Variants in MYH15 observed in about 807,000 individuals in gnomAD.
MYH15 encodes the protein myosin heavy chain 15.
MYH15 carries 227 observed loss-of-function variants against 240.5 expected under a neutral mutation model. The observed-to-expected ratio is 0.94, with a 90% CI of 0.85 to 1.05. The LOEUF (loss-of-function observed/expected upper bound fraction) is 1.05. Among genes scored for constraint, MYH15 ranks in the 50% least tolerant of loss-of-function variants. MYH15 has a pLI of 0.00. For missense variants in MYH15, 2,217 were observed against 2,247.5 expected (o/e 0.99, Z 0.27); for synonymous variants, 785 against 796.7 (o/e 0.99, Z 0.25).
At chr3:108,393,153 C>A (rs1188356716) in intron 36 of MYH15, among the ~76,000 whole-genome samples, 3 of 152,190 alleles carry the variant, frequency 2.0e-5, no homozygotes, top group Non-Finnish European at 4.4e-5. Flanking sequence ...AATCAAATGT[C>A]CTGTCTCCTA....
At chr3:108,460,389 A>G in intron 16 of MYH15, 22 bp from the exon 17 acceptor site, 1 of 1,557,440 alleles carries the variant, frequency 6.4e-7, no homozygotes, top group Middle Eastern at 1.7e-4. Flanking sequence ...AAAAAAAGAA[A>G]AAGATGAAAA....
intron 14 of MYH15, among the ~76,000 whole-genome samples, chr3:108,466,386 AT>A (rs2083117945): frequency 6.6e-6 from 1 of 152,178 alleles, no homozygotes; most frequent in African/African-American, 2.4e-5. Flanking sequence ...GGCAAAAACT[AT>A]TTATAAAAAA....
At chr3:108,411,704 TACTC>T (rs762394131) in intron 30 of MYH15, among the ~76,000 whole-genome samples, 30 of 152,234 alleles carry the variant, frequency 2.0e-4, no homozygotes, top group Non-Finnish European at 3.2e-4. Context: ...GTCCCATTCT[TACTC>T]ATTCATTATA....
the MYH15 span, among the ~76,000 whole-genome samples, chr3:108,543,086 G>A: frequency 2.6e-5 from 4 of 152,046 alleles, no homozygotes; most frequent in African/African-American, 9.7e-5. Flanking sequence ...TCACCATGTT[G>A]TCCAGGATGG....
In MYH15 at chr3:108,416,842, G is replaced by C; in HGVS notation, c.3918C>G (p.Asp1306Glu). Residue 1306 changes from aspartate (D) to glutamate (E), a missense_variant, in exon 29 of 41, where the codon GAC becomes GAG. Transcript: ENST00000693548. ...TCTCCTTTTCCAGCTGCCCTCTCAG[G>C]TCTTCAATCTGCCGAGTGAAGTTGC... The part of the protein sequence containing the change: ...EKSNFTRQIE[D>E]LRGQLEKETK... The C allele has an allele frequency of 6.2e-7, 1 of 1,613,720 alleles. No individual in the cohort carries two copies. Among genetic ancestry groups the C allele is most frequent in the Non-Finnish European group, 8.5e-7 (1 of 1,179,806 alleles).
In MYH15 at chr3:108,471,112, A is replaced by G. The variant is rs72939900; in HGVS notation, c.1234-265T>C. Among the ~76,000 whole-genome samples the G allele has an allele frequency of 4.4e-3, 574 of 131,854 alleles. 2 individuals carry two copies. The highest frequency in any genetic ancestry group is 0.013 in the African/African-American group (466 of 35,304). 86.5% of individuals were successfully genotyped at this position (131,854 alleles called of 152,430 possible). Reference sequence around the variant, plus strand: ...GGAAAGAAGGGAGGGAGGGAGGGGGAAAATGAAGGGGAGAGGAAGGGAAGA... The same window carrying G: ...GGAAAGAAGGGAGGGAGGGAGGGGGGAAATGAAGGGGAGAGGAAGGGAAGA... On this transcript the variant is annotated intron_variant, in intron 12 of 40. Coordinates refer to ENST00000693548, the MANE Select transcript of MYH15 (RefSeq NM_014981.3).
chr3:108,384,895 G>C (rs2082370281), intron 38 of MYH15, 113 bp from the exon 39 acceptor site: 2 of 894,266 alleles, frequency 2.2e-6, no homozygotes, highest in Non-Finnish European at 3.4e-6. Context: ...CATCATCTCA[G>C]AGTTGTGATT....
At chr3:108,480,015 T>C (rs1365924809) in intron 11 of MYH15, among the ~76,000 whole-genome samples, 1 of 152,230 alleles carries the variant, frequency 6.6e-6, no homozygotes, top group East Asian at 1.9e-4. Context: ...GATAATGTAA[T>C]AAGAAGATAA....
intron 35 of MYH15, among the ~76,000 whole-genome samples, chr3:108,397,125 A>C (rs2082467819): frequency 1.3e-5 from 2 of 152,312 alleles, no homozygotes; most frequent in South Asian, 4.1e-4. Context: ...CCTAAAATGC[A>C]AATCTGATAA....
chr3:108,492,475 C>T (rs1211079258), intron 9 of MYH15, 25 bp downstream of exon 9: 2 of 1,535,080 alleles, frequency 1.3e-6, no homozygotes, highest in Non-Finnish European at 1.8e-6. Flanking sequence ...TGGAATAACC[C>T]TAAGCTCCAG....
rs1214210998 is a variant in MYH15, at chr3:108,408,192, G to A, written c.4620+88C>T. 2.9e-6 allele frequency: 4 copies of A among 1,401,600 alleles called. No individual in the cohort carries two copies. The Admixed American group carries it at 8.9e-5, about 31-fold the overall frequency. The allele number at this position is 1,401,600 out of a possible 1,614,324, so 86.8% of individuals were successfully genotyped here. A position where few individuals can be genotyped will look rare whatever the true frequency, so the allele number is the denominator to read the frequency against. ...ATAGTAAATAAACATTTGAATACGTGTCCTTTTGTTGGTGCTGCTGTTATT... is the reference window on the plus strand; with the variant it reads ...ATAGTAAATAAACATTTGAATACGTATCCTTTTGTTGGTGCTGCTGTTATT... On this transcript the variant is annotated intron_variant, in intron 32 of 40. Transcript: ENST00000693548.
At chr3:108,499,361 T>A in intron 5 of MYH15, 94 bp downstream of exon 5, 2 of 1,270,138 alleles carry the variant, frequency 1.6e-6, no homozygotes, top group South Asian at 1.3e-5. Flanking sequence ...AATTCAAAGA[T>A]GGCGAATCAA....
intron 9 of MYH15, among the ~76,000 whole-genome samples, chr3:108,488,513 G>T (rs891398792): frequency 3.9e-5 from 6 of 152,040 alleles, no homozygotes; most frequent in Non-Finnish European, 8.8e-5. Flanking sequence ...TTGCTATGTT[G>T]CCCAGGCTGA....
intron 2 of MYH15, among the ~76,000 whole-genome samples, chr3:108,503,532 T>A (rs976610399): frequency 6.6e-6 from 1 of 152,142 alleles, no homozygotes; most frequent in Non-Finnish European, 1.5e-5. Flanking sequence ...GATAAACAAA[T>A]GGCCAATATG....
rs371357038 is a variant in MYH15, at chr3:108,457,941, C to T, written c.2021-1058G>A. ...CCCAGCTACACAGGAGGCTGAGGTA[C>T]AAGAATTGCTTGAACCCAGAAGGCA... On this transcript the variant is annotated intron_variant, in intron 18 of 40. Coordinates refer to ENST00000693548, the MANE Select transcript of MYH15 (RefSeq NM_014981.3). Among the ~76,000 whole-genome samples the T allele has an allele frequency of 4.6e-5, 7 of 152,136 alleles. No homozygotes were observed. In the East Asian group the frequency reaches 1.2e-3, roughly 25 times the overall value.
At chr3:108,546,824 C>G in the MYH15 span, among the ~76,000 whole-genome samples, 1 of 151,998 alleles carries the variant, frequency 6.6e-6, no homozygotes, top group Non-Finnish European at 1.5e-5. Flanking sequence ...TAAATGAACA[C>G]AAGTATAAAC....
chr3:108,478,752 A>G (rs1002921846), intron 11 of MYH15, among the ~76,000 whole-genome samples: 13 of 152,216 alleles, frequency 8.5e-5, no homozygotes, highest in African/African-American at 2.9e-4. Context: ...ACAGGTAATA[A>G]TAGTCTCAAA....
chr3:108,522,251 G>C (rs1366402852), intron 1 of MYH15, among the ~76,000 whole-genome samples: 1 of 152,020 alleles, frequency 6.6e-6, no homozygotes, highest in East Asian at 1.9e-4. Context: ...AGGGCATGAG[G>C]CATGATCAGG....
chr3:108,548,570 T>G, the MYH15 span, among the ~76,000 whole-genome samples: 3 of 152,118 alleles, frequency 2.0e-5, no homozygotes, highest in African/African-American at 7.2e-5. Flanking sequence ...CTAAAATATT[T>G]ACTATCTGCC....
Sources: gnomAD v4.1 joint callset for allele counts (sites outside exome capture counted in the v4.1 genomes callset) on GRCh38, gnomAD v4.1.1 for gene constraint, MANE v1.5 for transcripts, NCBI Gene and HGNC (gene_info 2026-07-23, HGNC 2026-07-21) for gene names.